ETFBKMT: variants seen among roughly 807,000 people sequenced by gnomAD.
ETFBKMT encodes electron transfer flavoprotein beta subunit lysine methyltransferase.
A neutral mutation model predicts 18.3 loss-of-function variants in ETFBKMT; 13 were observed. The ratio of observed to expected loss-of-function variants is 0.71; its 90% CI spans 0.46 to 1.13. The LOEUF is 1.13. Ranked by LOEUF, ETFBKMT falls within the 50% of genes most tolerant of loss-of-function variation. ETFBKMT has a pLI of 0.00. For synonymous variants in ETFBKMT, 84 were observed against 107.9 expected, an observed-to-expected ratio of 0.78 and a Z score of 1.37; for missense variants, 293 against 306.2, an observed-to-expected ratio of 0.96 and a Z score of 0.32.
chr12:31,653,663 A>G (rs1286081909), intron 1 of ETFBKMT, among the ~76,000 whole-genome samples: 2 of 152,072 alleles, frequency 1.3e-5, no homozygotes, highest in Non-Finnish European at 2.9e-5. Context: ...AAGTCTAGGG[A>G]GAGGCCGGGT....
At chr12:31,654,668 A>C (rs1328921328), upstream of ETFBKMT, among the ~76,000 whole-genome samples, 2 of 152,184 alleles carry the variant, frequency 1.3e-5, no homozygotes, top group African/African-American at 4.8e-5. Context: ...TAAGACAAAA[A>C]CCGTATAAAC....
At chr12:31,650,710 T>C (rs1024672367) in intron 1 of ETFBKMT, among the ~76,000 whole-genome samples, 10 of 151,076 alleles carry the variant, frequency 6.6e-5, no homozygotes, top group East Asian at 5.9e-4. Flanking sequence ...GGAGGTTAGT[T>C]CAAAGACCTT....
Position 31,662,171 on chromosome 12 carries a change from C to T in ETFBKMT, c.218C>T (p.Thr73Ile), listed in dbSNP as rs139707287. 7 of 1,614,086 alleles carry T rather than the reference C, an allele frequency of 4.3e-6. No individual in the cohort carries two copies. The highest frequency in any genetic ancestry group is 2.7e-5 in the African/African-American group (2 of 74,926). Residue 73 changes from threonine to isoleucine, a missense_variant, in exon 2 of 4, where the codon ACC becomes ATC. By Grantham distance (89) the Thr-to-Ile change is moderately conservative. Coordinates refer to ENST00000357721, the MANE Select transcript of ETFBKMT (RefSeq NM_001135863.2). ...LTPEIQLRLLTPRCKFWWERA... is the reference protein window; with the variant it reads ...LTPEIQLRLLIPRCKFWWERA... ...CCTGAAATCCAGTTGCGGCTTTTGA[C>T]CCCCAGATGCAAATTCTGGTGGGAG...
Position 31,662,096 on chromosome 12 carries a change from AG to A in ETFBKMT, c.145del (p.Ala49LeufsTer24). 1.9e-6 allele frequency: 3 copies of A among 1,614,200 alleles called. No individual in the cohort carries two copies. The highest frequency in any genetic ancestry group is 2.7e-5 in the African/African-American group (2 of 75,052). On this transcript the variant is annotated frameshift_variant, in exon 2 of 4. Coordinates refer to ENST00000357721, the MANE Select transcript of ETFBKMT (RefSeq NM_001135863.2). LOFTEE classifies it high-confidence loss of function. ...GGAAGCTTTTTGGACCCTGAGATAAAGGCTTTCCTGGAGGAGAACACTGAAG... is the reference window on the plus strand; with the variant it reads ...GGAAGCTTTTTGGACCCTGAGATAAAGCTTTCCTGGAGGAGAACACTGAAG... ...GAGSFLDPEIKAFLEENTEVT... is the reference protein window; with the variant it reads ...GAGSFLDPEIXAFLEENTEVT...
chr12:31,650,627 CTTTT>C (rs57675973), intron 1 of ETFBKMT, among the ~76,000 whole-genome samples: 1 of 138,242 alleles, frequency 7.2e-6, no homozygotes, highest in African/African-American at 2.7e-5. Context: ...ATGACCTGAC[CTTTT>C]TTTTTTTTTT....
intron 1 of ETFBKMT, among the ~76,000 whole-genome samples, chr12:31,647,496 C>T (rs1249743174): frequency 2.6e-5 from 4 of 152,122 alleles, no homozygotes; most frequent in Non-Finnish European, 5.9e-5. Flanking sequence ...ACCTCTAAAA[C>T]AGAGGTCATA....
chr12:31,663,858 G>A (rs1259598958), intron 2 of ETFBKMT, among the ~76,000 whole-genome samples: 1 of 151,866 alleles, frequency 6.6e-6, no homozygotes, highest in Non-Finnish European at 1.5e-5. Context: ...TAAGCTAATT[G>A]TGCATCCTTG....
At chr12:31,660,988 A>T (rs1951115008) in intron 1 of ETFBKMT, 1 of 152,246 alleles carries the variant, frequency 6.6e-6, no homozygotes, top group African/African-American at 2.4e-5. Flanking sequence ...TTAAAGGTAC[A>T]GTTGGCCCAC....
At chr12:31,656,300 G>C (rs1395833006), upstream of ETFBKMT, among the ~76,000 whole-genome samples, 2 of 152,212 alleles carry the variant, frequency 1.3e-5, no homozygotes, top group East Asian at 3.8e-4. Context: ...ACAGTGAGGA[G>C]CGGTTAGCAG....
chr12:31,655,943 A>G (rs912346932), upstream of ETFBKMT, among the ~76,000 whole-genome samples: 8 of 152,236 alleles, frequency 5.3e-5, no homozygotes, highest in African/African-American at 1.4e-4. Flanking sequence ...CTCTGTAAAC[A>G]TGCAAAGTTG....
chr12:31,658,666 T>C (rs990548521), upstream of ETFBKMT, among the ~76,000 whole-genome samples: 7 of 152,236 alleles, frequency 4.6e-5, no homozygotes. Context: ...TTCTTAGTTT[T>C]GGACCGTTTT....
In ETFBKMT at chr12:31,672,728, A is replaced by G; in HGVS notation, c.*4738A>G. ...TTTTTTCAGGATCTTAGCCGGAAAT[A>G]GATGATTCACTAAAGTGGGGTGACT... On this transcript the variant is annotated 3_prime_UTR_variant, in exon 4 of 4. Coordinates refer to ENST00000357721, the MANE Select transcript of ETFBKMT (RefSeq NM_001135863.2). 5.3e-6 allele frequency: 1 copy of G among 189,580 alleles called. No homozygotes were observed. Among genetic ancestry groups the G allele is most frequent in the Non-Finnish European group, 1.1e-5 (1 of 91,480 alleles). 11.7% of individuals were successfully genotyped at this position (189,580 alleles called of 1,614,324 possible).
rs1565747979 is a variant in ETFBKMT, at chr12:31,659,692, T to C, written c.-211T>C. The C allele has an allele frequency of 6.6e-6, 1 of 152,184 alleles. No individual in the cohort carries two copies. The highest frequency in any genetic ancestry group is 1.5e-5 in the Non-Finnish European group (1 of 68,060). 9.4% of individuals were successfully genotyped at this position (152,184 alleles called of 1,614,324 possible). On this transcript the variant is annotated 5_prime_UTR_variant, in exon 1 of 4. Transcript: ENST00000357721. ...GCCTAGTACTGCTTAACAATTAGTC[T>C]AGTGGGATACCAGGCCCTGAGAGAC...
intron 3 of ETFBKMT, among the ~76,000 whole-genome samples, chr12:31,667,300 G>A (rs182185797): frequency 1.3e-5 from 2 of 152,176 alleles, no homozygotes; most frequent in Non-Finnish European, 2.9e-5. Context: ...CAGCCAAGGG[G>A]TCTCAGTTCT....
rs1951286069 is a variant in ETFBKMT, at chr12:31,672,149, C to G, written c.*4159C>G. 5.0e-6 allele frequency: 3 copies of G among 603,534 alleles called. No homozygotes were observed. The highest frequency in any genetic ancestry group is 4.3e-5 in the South Asian group (2 of 46,432). 37.4% of individuals were successfully genotyped at this position (603,534 alleles called of 1,614,324 possible). On this transcript the variant is annotated 3_prime_UTR_variant, in exon 4 of 4. Transcript: ENST00000357721. ...GAGTAAAGCACAAACCATGTATATA[C>G]CAAGACTTAGCTAATTCTCTGAGAG... is the stretch of plus-strand genomic sequence containing the variant.
chr12:31,664,633 T>G (rs1246891634), intron 2 of ETFBKMT, among the ~76,000 whole-genome samples: 28 of 150,178 alleles, frequency 1.9e-4, no homozygotes, highest in Admixed American at 1.8e-3. Context: ...TTTTTTTTTT[T>G]GAGATGGAGT....
Position 31,666,189 on chromosome 12 carries a change from A to G in ETFBKMT, c.417A>G (p.Ser139=). 1 of 1,614,156 alleles carries G rather than the reference A, an allele frequency of 6.2e-7. No individual in the cohort carries two copies. The highest frequency in any genetic ancestry group is 8.5e-7 in the Non-Finnish European group (1 of 1,179,996). ...TAIAAKMSGA[S]RILANDIDPI... is the part of the protein sequence containing the mutation. ...TTGCTGCTAAGATGAGTGGGGCATC[A>G]AGGATCTTGGCCAATGACATAGACC... is the stretch of plus-strand genomic sequence containing the variant. Residue 139 remains serine (S), a synonymous_variant, in exon 3 of 4, where the codon TCA becomes TCG. Coordinates refer to ENST00000357721, the MANE Select transcript of ETFBKMT (RefSeq NM_001135863.2).
rs1728982279 is a variant in ETFBKMT at position 31,668,109 on chromosome 12, G to GT, written c.*124dup. ...TAATTCTTGTTAAATGGAAAATCTT[G>GT]TTTTTAAAATATGAAGGTTTAGAGT... On this transcript the variant is annotated 3_prime_UTR_variant, in exon 4 of 4. Coordinates refer to ENST00000357721, the MANE Select transcript of ETFBKMT (RefSeq NM_001135863.2). The GT allele has an allele frequency of 2.4e-6, 2 of 844,800 alleles. No individual in the cohort carries two copies. The highest frequency in any genetic ancestry group is 6.5e-5 in the Admixed American group (2 of 30,748). 52.3% of individuals were successfully genotyped at this position (844,800 alleles called of 1,614,324 possible).
intron 1 of ETFBKMT, among the ~76,000 whole-genome samples, chr12:31,649,212 T>C (rs1385512505): frequency 2.0e-5 from 3 of 152,228 alleles, no homozygotes; most frequent in African/African-American, 7.2e-5. Context: ...GAAAAAAAAG[T>C]CTATACATGC....
Sources: allele counts gnomAD v4.1 joint callset (sites outside exome capture counted in the v4.1 genomes callset), GRCh38; gene constraint gnomAD v4.1.1; transcripts MANE v1.5; gene names NCBI Gene and HGNC (gene_info 2026-07-23, HGNC 2026-07-21).